Variants in SPECC1L observed in about 807,000 individuals in gnomAD.
The protein encoded by SPECC1L is cytospin-A.
A neutral mutation model predicts 116.8 loss-of-function variants in SPECC1L; 40 were observed. The ratio of observed to expected loss-of-function variants is 0.34; its 90% CI spans 0.27 to 0.45. The LOEUF is 0.45. Ranked by LOEUF, SPECC1L falls within the 20% of genes least tolerant of loss-of-function variation. The probability of loss-of-function intolerance (pLI) is 1.00; values close to 1 mark genes in which losing one functional copy is unlikely to be tolerated. For missense variants in SPECC1L, 1,110 were observed against 1,373.6 expected (o/e 0.81, Z 3.03); for synonymous variants, 504 against 500.6 (o/e 1.01, Z -0.09).
At chr22:24,328,792 T>C (rs899479942) in intron 6 of SPECC1L, 54 bp from the exon 7 acceptor site, 35 of 1,390,816 alleles carry the variant, frequency 2.5e-5, no homozygotes, top group Non-Finnish European at 3.4e-5. Flanking sequence ...CTTTGTATTA[T>C]TACTCTGAAG....
In SPECC1L at chr22:24,417,650, C is replaced by T. The variant is rs2042827436; in HGVS notation, c.*3027C>T. 6.6e-6 allele frequency: 1 copy of T among 152,206 alleles called. No individual in the cohort carries two copies. Among genetic ancestry groups the T allele is most frequent in the Non-Finnish European group, 1.5e-5 (1 of 68,054 alleles). The allele number at this position is 152,206 out of a possible 1,614,324, so 9.4% of individuals were successfully genotyped here. On this transcript the variant is annotated 3_prime_UTR_variant, in exon 17 of 17. Transcript: ENST00000314328. The stretch of plus-strand genomic sequence containing the variant: ...TTGTTTGTTTTGAGGCATGTATCAT[C>T]TTGGAAATAATTGTCAGGATGTATA...
chr22:24,407,612 T>C (rs1429276291), intron 14 of SPECC1L, among the ~76,000 whole-genome samples: 1 of 152,192 alleles, frequency 6.6e-6, no homozygotes, highest in Non-Finnish European at 1.5e-5. Flanking sequence ...GGCGTTGCCA[T>C]TGGCCTCACA....
At chr22:24,279,849 A>AT (rs1378633614) in intron 2 of SPECC1L, among the ~76,000 whole-genome samples, 1 of 152,206 alleles carries the variant, frequency 6.6e-6, no homozygotes, top group African/African-American at 2.4e-5. Context: ...AAGTGCTGGG[A>AT]TTATAGGCGT....
At position 24,321,569 on chromosome 22, in the gene SPECC1L, G is replaced by A. The variant is rs199716133; in HGVS notation, c.589G>A (p.Val197Ile). ...DLLTLAKTKD[V>I]EILHLRNELR... ...TCTCACGCTGGCAAAAACCAAAGACGTAGAAATTTTACATTTGAGAAATGA... is the reference window on the plus strand; with the variant it reads ...TCTCACGCTGGCAAAAACCAAAGACATAGAAATTTTACATTTGAGAAATGA... Residue 197 changes from valine to isoleucine, a missense_variant, in exon 5 of 17, where the codon GTA becomes ATA. Val to Ile is a conservative substitution (Grantham distance 29). Transcript: ENST00000314328. 106 of 1,614,086 alleles carry A rather than the reference G, an allele frequency of 6.6e-5. No individual in the cohort carries two copies. The highest frequency in any genetic ancestry group is 8.2e-5 in the Non-Finnish European group (97 of 1,180,050).
intron 14 of SPECC1L, among the ~76,000 whole-genome samples, chr22:24,371,118 A>AT (rs2041862828): frequency 1.3e-5 from 2 of 149,980 alleles, no homozygotes. Context: ...AAGAAAAAAA[A>AT]GAAAGATTGA....
intron 2 of SPECC1L, among the ~76,000 whole-genome samples, chr22:24,280,545 G>T (rs1422149884): frequency 6.6e-6 from 1 of 150,858 alleles, no homozygotes; most frequent in Non-Finnish European, 1.5e-5. Context: ...AGCCACTACA[G>T]ATGTGAATGA....
intron 4 of SPECC1L, among the ~76,000 whole-genome samples, chr22:24,318,527 G>T (rs1381316958): frequency 1.3e-5 from 2 of 152,200 alleles, no homozygotes; most frequent in African/African-American, 4.8e-5. Flanking sequence ...GGGGAGAGGG[G>T]AGAGGGAGAG....
At chr22:24,363,700 C>T (rs2041690568) in intron 12 of SPECC1L, among the ~76,000 whole-genome samples, 1 of 152,052 alleles carries the variant, frequency 6.6e-6, no homozygotes, top group South Asian at 2.1e-4. Flanking sequence ...AAAGAAACTA[C>T]TGATTTAAGG....
chr22:24,389,791 G>A (rs2042230856), intron 14 of SPECC1L, among the ~76,000 whole-genome samples: 1 of 152,082 alleles, frequency 6.6e-6, no homozygotes, highest in South Asian at 2.1e-4. Flanking sequence ...GGAGAAAAAG[G>A]AAGTGCTCTT....
chr22:24,383,673 ATTC>A (rs1226004667), intron 14 of SPECC1L, among the ~76,000 whole-genome samples: 1 of 151,810 alleles, frequency 6.6e-6, no homozygotes, highest in African/African-American at 2.4e-5. Flanking sequence ...ACAGAGTTTC[ATTC>A]TTCTTGCCTG....
At chr22:24,386,233 T>TAG (rs939257470) in intron 14 of SPECC1L, among the ~76,000 whole-genome samples, 15 of 152,160 alleles carry the variant, frequency 9.9e-5, no homozygotes, top group African/African-American at 3.6e-4. Flanking sequence ...AGCTTAATGG[T>TAG]GACTTATTGA....
intron 14 of SPECC1L, among the ~76,000 whole-genome samples, chr22:24,409,857 T>G (rs1020629496): frequency 6.6e-6 from 1 of 152,022 alleles, no homozygotes; most frequent in Non-Finnish European, 1.5e-5. Flanking sequence ...AAACCTCATC[T>G]CTACAAAAAA....
intron 14 of SPECC1L, among the ~76,000 whole-genome samples, chr22:24,371,733 CGATT>C (rs1344032736): frequency 6.6e-6 from 1 of 151,710 alleles, no homozygotes; most frequent in Non-Finnish European, 1.5e-5. Context: ...ATTGATTGAT[CGATT>C]GAGAGACAGA....
chr22:24,389,385 T>C (rs185056426), intron 14 of SPECC1L, among the ~76,000 whole-genome samples: 1 of 152,256 alleles, frequency 6.6e-6, no homozygotes, highest in Admixed American at 6.5e-5. Context: ...AAAGTGCTGA[T>C]TACAGATGTG....
At chr22:24,272,693 A>G (rs2048753671) in intron 1 of SPECC1L, among the ~76,000 whole-genome samples, 1 of 152,132 alleles carries the variant, frequency 6.6e-6, no homozygotes, top group Admixed American at 6.6e-5. Context: ...AGCTATTACA[A>G]TATACATGTA....
intron 1 of SPECC1L, among the ~76,000 whole-genome samples, chr22:24,275,299 G>C (rs9612600): frequency 6.6e-6 from 1 of 152,230 alleles, no homozygotes; most frequent in African/African-American, 2.4e-5. Context: ...TCTGCCCTTA[G>C]GAGCTTTTAT....
intron 14 of SPECC1L, among the ~76,000 whole-genome samples, chr22:24,389,990 A>T (rs572247008): frequency 6.6e-6 from 1 of 152,248 alleles, no homozygotes; most frequent in East Asian, 1.9e-4. Context: ...CAAAAGCACA[A>T]GTTTCTTCTG....
At chr22:24,283,791 C>T (rs1464183674) in intron 2 of SPECC1L, among the ~76,000 whole-genome samples, 12 of 152,076 alleles carry the variant, frequency 7.9e-5, no homozygotes, top group Admixed American at 7.9e-4. Context: ...GTTTGAGCTT[C>T]GATAGTTTGT....
chr22:24,283,364 C>T (rs974596453), intron 2 of SPECC1L, among the ~76,000 whole-genome samples: 1 of 152,254 alleles, frequency 6.6e-6, no homozygotes, highest in African/African-American at 2.4e-5. Context: ...AGGCGTGAGC[C>T]ACCGCGCCCA....
Sources: gnomAD v4.1 joint callset for allele counts (sites outside exome capture counted in the v4.1 genomes callset) on GRCh38, gnomAD v4.1.1 for gene constraint, MANE v1.5 for transcripts, NCBI Gene and HGNC (gene_info 2026-07-23, HGNC 2026-07-21) for gene names.